Variants in RBFOX1 observed in about 807,000 individuals in gnomAD.
RBFOX1 encodes RNA binding fox-1 homolog 1, also known as RNA binding protein fox-1 homolog 1.
In RBFOX1, 8 loss-of-function variants were observed where a neutral mutation model predicts 57.7. The observed-to-expected ratio is 0.14, with a 90% CI of 0.08 to 0.25. The LOEUF is 0.25. RBFOX1 is among the 10% of genes least tolerant of loss of function. RBFOX1 has a pLI of 1.00. For missense variants in RBFOX1, 611 were observed against 548.5 expected (o/e 1.11, Z -1.14); for synonymous variants, 326 against 222.4 (o/e 1.47, Z -4.15).
In RBFOX1 at chr16:7,710,780, G is replaced by A; in HGVS notation, c.*35G>A. The A allele has an allele frequency of 1.3e-6, 2 of 1,491,730 alleles. No homozygotes were observed. The highest frequency in any genetic ancestry group is 2.5e-5 in the East Asian group (1 of 40,512). The allele number at this position is 1,491,730 out of a possible 1,614,324, so 92.4% of individuals were successfully genotyped here. On this transcript the variant is annotated 3_prime_UTR_variant, in exon 16 of 16. Coordinates refer to ENST00000550418, the MANE Select transcript of RBFOX1 (RefSeq NM_018723.4). ...CCATAAAAACCTTCCAATGTGGGGA[G>A]AAAGGAAGCTTTCCGAGGCCTGAGT...
At chr16:7,168,069 C>T (rs1042737259) in intron 4 of RBFOX1, among the ~76,000 whole-genome samples, 2 of 151,966 alleles carry the variant, frequency 1.3e-5, no homozygotes, top group African/African-American at 2.4e-5. Context: ...TGAAATGTTC[C>T]AGAATAGTTG....
chr16:5,423,997 T>A (rs2067435206), intron 1 of RBFOX1, among the ~76,000 whole-genome samples: 1 of 152,200 alleles, frequency 6.6e-6, no homozygotes, highest in African/African-American at 2.4e-5. Flanking sequence ...TTCTCAGCAA[T>A]CTAAGGATAA....
intron 2 of RBFOX1, among the ~76,000 whole-genome samples, chr16:6,382,774 T>C (rs562000417): frequency 6.6e-6 from 1 of 152,182 alleles, no homozygotes; most frequent in South Asian, 2.1e-4. Context: ...GCAGGAGAAT[T>C]CCTTGAACTC....
chr16:6,792,539 A>T (rs1196385682), intron 3 of RBFOX1, among the ~76,000 whole-genome samples: 2 of 152,182 alleles, frequency 1.3e-5, no homozygotes, highest in Non-Finnish European at 2.9e-5. Flanking sequence ...TAAAGGTTAA[A>T]AATTGAGATG....
At chr16:6,176,692 A>ATTTTTTT (rs71142687) in intron 1 of RBFOX1, among the ~76,000 whole-genome samples, 1 of 148,840 alleles carries the variant, frequency 6.7e-6, no homozygotes, top group Non-Finnish European at 1.5e-5. Flanking sequence ...TTCTTAGGTC[A>ATTTTTTT]TTTTTTTTTT....
intron 3 of RBFOX1, among the ~76,000 whole-genome samples, chr16:5,627,979 C>G (rs2048393783): frequency 6.6e-6 from 1 of 152,190 alleles, no homozygotes; most frequent in Non-Finnish European, 1.5e-5. Context: ...CATTTAGAGG[C>G]ATTCTTATAG....
chr16:7,265,958 G>GTTTTGTTTT (rs1567956407), intron 4 of RBFOX1, among the ~76,000 whole-genome samples: 1 of 107,604 alleles, frequency 9.3e-6, no homozygotes, highest in Non-Finnish European at 1.7e-5. Context: ...GATCTGGTGG[G>GTTTTGTTTT]TTTTTGTTTT....
intron 2 of RBFOX1, among the ~76,000 whole-genome samples, chr16:6,456,963 G>A (rs2094789400): frequency 6.6e-6 from 1 of 152,140 alleles, no homozygotes; most frequent in African/African-American, 2.4e-5. Context: ...GAGATGTTTG[G>A]AAGACACTTA....
chr16:7,173,476 C>T (rs564976646), intron 4 of RBFOX1, among the ~76,000 whole-genome samples: 27 of 151,676 alleles, frequency 1.8e-4, no homozygotes, highest in Admixed American at 1.3e-3. Flanking sequence ...TGTGTGAACA[C>T]GAGTTCCATT....
At chr16:6,909,500 T>C (rs916999528) in intron 3 of RBFOX1, among the ~76,000 whole-genome samples, 1 of 152,208 alleles carries the variant, frequency 6.6e-6, no homozygotes, top group Non-Finnish European at 1.5e-5. Flanking sequence ...CAAGATTCTG[T>C]CTATCACACT....
At chr16:5,336,613 G>T (rs545772678) in intron 1 of RBFOX1, among the ~76,000 whole-genome samples, 1 of 152,200 alleles carries the variant, frequency 6.6e-6, no homozygotes, top group Non-Finnish European at 1.5e-5. Context: ...TCTTGGCATC[G>T]TCTCTGAAGC....
intron 2 of RBFOX1, among the ~76,000 whole-genome samples, chr16:6,574,807 A>G (rs1370286441): frequency 2.3e-4 from 34 of 147,440 alleles, no homozygotes; most frequent in Non-Finnish European, 4.8e-4. Flanking sequence ...GGGAGGCCAA[A>G]GTGGGCGGAT....
At chr16:6,550,044 A>G (rs1028402748) in intron 2 of RBFOX1, among the ~76,000 whole-genome samples, 10 of 152,286 alleles carry the variant, frequency 6.6e-5, no homozygotes, top group Non-Finnish European at 1.5e-4. Context: ...AGTGGACACC[A>G]TTCCATACTT....
intron 3 of RBFOX1, among the ~76,000 whole-genome samples, chr16:6,788,691 G>T (rs2082386884): frequency 6.6e-6 from 1 of 151,842 alleles, no homozygotes; most frequent in Non-Finnish European, 1.5e-5. Flanking sequence ...TAGCCAGGAT[G>T]GTCTCTATCT....
At chr16:6,986,478 C>A (rs1278038610) in intron 3 of RBFOX1, among the ~76,000 whole-genome samples, 1 of 152,108 alleles carries the variant, frequency 6.6e-6, no homozygotes, top group African/African-American at 2.4e-5. Context: ...GTATTACAGG[C>A]GTGAGCCACC....
intron 3 of RBFOX1, among the ~76,000 whole-genome samples, chr16:6,985,078 A>G (rs2089938406): frequency 1.5e-5 from 2 of 134,674 alleles, no homozygotes; most frequent in East Asian, 4.8e-4. Context: ...ATTTCTCAAG[A>G]TTCTGGAATT....
intron 3 of RBFOX1, among the ~76,000 whole-genome samples, chr16:6,930,505 G>C (rs773331578): frequency 2.0e-5 from 3 of 152,016 alleles, no homozygotes; most frequent in Non-Finnish European, 4.4e-5. Flanking sequence ...TGCCTTCTGG[G>C]TTCAGGTGAT....
In RBFOX1 at chr16:7,192,315, C is replaced by T. The variant is rs80035952; in HGVS notation, c.27+140217C>T. On this transcript the variant is annotated intron_variant, in intron 4 of 15. Coordinates refer to ENST00000550418, the MANE Select transcript of RBFOX1 (RefSeq NM_018723.4). ...CTGACGTTAGGGAAAATGTCATATT[C>T]AGTGGAGAGGTTCCATCTAAGAGAG... is the stretch of plus-strand genomic sequence containing the variant. Among the ~76,000 whole-genome samples, 525 of 152,228 alleles carry T rather than the reference C, an allele frequency of 3.4e-3. 5 individuals carry two copies. The highest frequency in any genetic ancestry group is 0.012 in the African/African-American group (495 of 41,528).
Position 5,493,481 on chromosome 16 carries a change from C to T in RBFOX1, c.258+26227C>T, listed in dbSNP as rs571098192. Among the ~76,000 whole-genome samples the T allele has an allele frequency of 6.6e-5, 10 of 152,324 alleles. 1 individual carries two copies. In the South Asian group the frequency reaches 1.4e-3, roughly 22 times the overall value. ...TGGAAATAGAAAGAATTGACTTCCA[C>T]GTTGAAGCAAAAAGTACCCTGCCTC... On this transcript the variant is annotated intron_variant, in intron 2 of 2. Coordinates refer to the RBFOX1 transcript ENST00000585867.
Sources: gnomAD v4.1 joint callset for allele counts (sites outside exome capture counted in the v4.1 genomes callset) on GRCh38, gnomAD v4.1.1 for gene constraint, MANE v1.5 for transcripts, NCBI Gene and HGNC (gene_info 2026-07-23, HGNC 2026-07-21) for gene names.